UGT2A1: variants seen among roughly 807,000 people sequenced by gnomAD.
UGT2A1 encodes UDP glucuronosyltransferase family 2 member A1 complex locus, also known as UDP-glucuronosyltransferase 2A1.
A neutral mutation model predicts 45.4 loss-of-function variants in UGT2A1; 61 were observed. That is an observed-to-expected ratio of 1.34 (90% CI 1.09 to 1.66). The LOEUF (loss-of-function observed/expected upper bound fraction) is 1.66, where lower values mean the gene tolerates loss of function less well. Among genes scored for constraint, UGT2A1 ranks in the 40% most tolerant of loss-of-function variants. UGT2A1 has a pLI of 0.00. For synonymous variants in UGT2A1, 229 were observed against 196.2 expected (o/e 1.17, Z -1.40); for missense variants, 649 against 574.3 (o/e 1.13, Z -1.33).
At chr4:69,617,418 A>G (rs750839986) in intron 3 of UGT2A1, among the ~76,000 whole-genome samples, 4 of 152,072 alleles carry the variant, frequency 2.6e-5, no homozygotes, top group Non-Finnish European at 5.9e-5. Flanking sequence ...GATATAATAT[A>G]TATGTTTATA....
chr4:69,633,839 A>T (rs1721520089), intron 3 of UGT2A1, among the ~76,000 whole-genome samples: 1 of 152,136 alleles, frequency 6.6e-6, no homozygotes, highest in African/African-American at 2.4e-5. Flanking sequence ...TATGGATTGC[A>T]TTCATGTTTT....
chr4:69,634,449 C>A (rs531781638), intron 3 of UGT2A1, among the ~76,000 whole-genome samples: 1 of 151,904 alleles, frequency 6.6e-6, no homozygotes, highest in Non-Finnish European at 1.5e-5. Flanking sequence ...GCAATAAATA[C>A]AACACTGGGC....
chr4:69,589,218 A>C lies in UGT2A1; in HGVS notation c.*154T>G, dbSNP rs1294617098. The C allele has an allele frequency of 4.1e-6, 4 of 977,288 alleles. No individual in the cohort carries two copies. In the East Asian group the frequency reaches 1.1e-4, roughly 27 times the overall value. The allele number at this position is 977,288 out of a possible 1,614,324, so 60.5% of individuals were successfully genotyped here. ...ATAATCATGCCAAAATCTAGGCTTT[A>C]TCAGTAGGCTTATCGCAGGTAGAGA... On this transcript the variant is annotated 3_prime_UTR_variant, in exon 7 of 7. Transcript: ENST00000286604.
intron 3 of UGT2A1, among the ~76,000 whole-genome samples, chr4:69,607,524 C>G (rs1164391253): frequency 1.3e-5 from 2 of 151,858 alleles, no homozygotes; most frequent in East Asian, 3.9e-4. Flanking sequence ...GACTTCATGT[C>G]TAAAACACCA....
At chr4:69,618,221 T>TTGTGTGTGTG (rs112693693) in intron 3 of UGT2A1, among the ~76,000 whole-genome samples, 36 of 144,612 alleles carry the variant, frequency 2.5e-4, no homozygotes, top group South Asian at 6.7e-4. Context: ...GTGTGTATGT[T>TTGTGTGTGTG]TGTGTGTGTG....
intron 3 of UGT2A1, among the ~76,000 whole-genome samples, chr4:69,621,495 A>G (rs1720754228): frequency 6.6e-6 from 1 of 151,954 alleles, no homozygotes; most frequent in Non-Finnish European, 1.5e-5. Context: ...AAAAGTAAAA[A>G]AAATAACAGA....
intron 3 of UGT2A1, among the ~76,000 whole-genome samples, chr4:69,600,321 C>A (rs2109892714): frequency 6.6e-6 from 1 of 152,284 alleles, no homozygotes; most frequent in Admixed American, 6.5e-5. Flanking sequence ...CCAGCAGGGA[C>A]AGAGAAAAGT....
chr4:69,616,428 C>T (rs1323909867), intron 3 of UGT2A1, among the ~76,000 whole-genome samples: 1 of 151,786 alleles, frequency 6.6e-6, no homozygotes, highest in Non-Finnish European at 1.5e-5. Context: ...TTATGGATAT[C>T]CCAATTATCC....
intron 3 of UGT2A1, among the ~76,000 whole-genome samples, chr4:69,624,476 G>A (rs988310468): frequency 6.6e-6 from 1 of 151,350 alleles, no homozygotes; most frequent in Non-Finnish European, 1.5e-5. Flanking sequence ...TTATCTACAT[G>A]TTTGAGTTGG....
At chr4:69,609,311 C>T (rs1334089531) in intron 3 of UGT2A1, among the ~76,000 whole-genome samples, 1 of 152,014 alleles carries the variant, frequency 6.6e-6, no homozygotes, top group Admixed American at 6.6e-5. Context: ...AACACCAAAC[C>T]TAGCTATTTT....
chr4:69,594,337 C>T, intron 6 of UGT2A1, 140 bp downstream of exon 6: 1 of 1,175,674 alleles, frequency 8.5e-7, no homozygotes, highest in Non-Finnish European at 1.2e-6. Flanking sequence ...AGCAGTTTGG[C>T]AAATAAAATA....
intron 3 of UGT2A1, among the ~76,000 whole-genome samples, chr4:69,604,846 G>T (rs1214075292): frequency 7.3e-6 from 1 of 136,738 alleles, no homozygotes; most frequent in Non-Finnish European, 1.6e-5. Context: ...AATGGTAAAA[G>T]GATCAATTCA....
intron 3 of UGT2A1, among the ~76,000 whole-genome samples, chr4:69,613,189 A>G (rs1720172839): frequency 1.3e-5 from 2 of 151,910 alleles, no homozygotes; most frequent in Admixed American, 1.3e-4. Flanking sequence ...TATAAAACAG[A>G]CATATAGACA....
At chr4:69,636,118 T>G (rs1721695400) in intron 2 of UGT2A1, among the ~76,000 whole-genome samples, 2 of 152,206 alleles carry the variant, frequency 1.3e-5, no homozygotes, top group African/African-American at 4.8e-5. Flanking sequence ...TTGTACTTAT[T>G]CTGATGTCCT....
chr4:69,620,702 G>A (rs1314859026), intron 3 of UGT2A1, among the ~76,000 whole-genome samples: 1 of 145,008 alleles, frequency 6.9e-6, no homozygotes, highest in African/African-American at 2.5e-5. Context: ...TAAACAAAAA[G>A]AACGAAGATG....
chr4:69,589,883 G>C (rs562684415), intron 6 of UGT2A1, among the ~76,000 whole-genome samples: 1 of 152,166 alleles, frequency 6.6e-6, no homozygotes, highest in Non-Finnish European at 1.5e-5. Flanking sequence ...TAAAAAAGTA[G>C]AGTAAGCCAG....
chr4:69,621,545 G>T (rs981388281), intron 3 of UGT2A1, among the ~76,000 whole-genome samples: 1 of 151,680 alleles, frequency 6.6e-6, no homozygotes, highest in African/African-American at 2.4e-5. Flanking sequence ...AGCTATAAAT[G>T]GTTGGTAGAA....
In UGT2A1 at chr4:69,589,414, A is replaced by G. The variant is rs1718450466; in HGVS notation, c.1542T>C (p.Cys514=). The part of the protein sequence containing the change: ...FLVIQCCLFS[C]QKFGKIGKKK... Reference sequence around the variant, plus strand: ...TCTTTCCTATCTTACCAAATTTTTGACAGGAAAACAAACAACATTGTATGA... The same window carrying G: ...TCTTTCCTATCTTACCAAATTTTTGGCAGGAAAACAAACAACATTGTATGA... Residue 514 remains cysteine, a synonymous_variant, in exon 7 of 7, where the codon TGT becomes TGC. Coordinates refer to ENST00000286604, the MANE Select transcript of UGT2A1 (RefSeq NM_001252275.3). The G allele has an allele frequency of 6.2e-7, 1 of 1,613,428 alleles. No individual in the cohort carries two copies. The highest frequency in any genetic ancestry group is 1.1e-5 in the South Asian group (1 of 90,986).
intron 2 of UGT2A1, among the ~76,000 whole-genome samples, chr4:69,641,728 T>C (rs1722060032): frequency 6.6e-6 from 1 of 151,858 alleles, no homozygotes; most frequent in East Asian, 1.9e-4. Flanking sequence ...CACCACTTTC[T>C]GAATTGTAAC....
Sources: allele counts gnomAD v4.1 joint callset (sites outside exome capture counted in the v4.1 genomes callset), GRCh38; gene constraint gnomAD v4.1.1; transcripts MANE v1.5; gene names NCBI Gene and HGNC (gene_info 2026-07-23, HGNC 2026-07-21).